Variants in CCDC33 observed in about 807,000 individuals in gnomAD.
The protein encoded by CCDC33 is coiled-coil domain-containing protein 33.
Under a neutral mutation model 91.9 loss-of-function variants are expected in CCDC33, and 94 were observed. The observed-to-expected ratio is 1.02, with a 90% CI of 0.87 to 1.21. The LOEUF (loss-of-function observed/expected upper bound fraction) is 1.21. Among genes scored for constraint, CCDC33 ranks in the 50% most tolerant of loss-of-function variants. The pLI, the probability that CCDC33 is intolerant of heterozygous loss-of-function variation, is 0.00. For missense variants in CCDC33, 940 were observed against 935.5 expected (o/e 1.00, Z -0.06); for synonymous variants, 396 against 374.5 (o/e 1.06, Z -0.66).
At chr15:74,235,278 C>A (rs916189554), upstream of CCDC33, among the ~76,000 whole-genome samples, 21 of 152,134 alleles carry the variant, frequency 1.4e-4, 1 homozygote, top group Admixed American at 1.3e-3. Flanking sequence ...TAATCAAAAG[C>A]AAAGCCTCAG....
chr15:74,230,010 T>G (rs1303383982), intron 2 of CCDC33, among the ~76,000 whole-genome samples: 1 of 152,212 alleles, frequency 6.6e-6, no homozygotes, highest in African/African-American at 2.4e-5. Context: ...TCTTGAATTA[T>G]TCAGGCTGGC....
At chr15:74,285,601 A>G (rs138093435) in intron 10 of CCDC33, among the ~76,000 whole-genome samples, 1 of 151,876 alleles carries the variant, frequency 6.6e-6, no homozygotes, top group Non-Finnish European at 1.5e-5. Context: ...AGCCTCCTAC[A>G]TAGATCACAT....
At position 74,336,014 on chromosome 15, in the gene CCDC33, G is replaced by A; in HGVS notation, c.2229G>A (p.Leu743=). ...CAGACTCTAAGCTCAACAAGCCCTTGAGCCCCCAGAAGGAGACCGCTAACT... is the reference window on the plus strand; with the variant it reads ...CAGACTCTAAGCTCAACAAGCCCTTAAGCCCCCAGAAGGAGACCGCTAACT... ...PSSDSKLNKP[L]SPQKETANSQ... The change falls in exon 19 of 19, where the codon TTG becomes TTA. Residue 743 remains leucine (L), a synonymous_variant. Coordinates refer to ENST00000398814, the MANE Select transcript of CCDC33 (RefSeq NM_025055.5). 1.2e-6 allele frequency: 2 copies of A among 1,613,998 alleles called. No individual in the cohort carries two copies.
At chr15:74,267,663 C>T (rs2076203360) in intron 4 of CCDC33, among the ~76,000 whole-genome samples, 1 of 151,882 alleles carries the variant, frequency 6.6e-6, no homozygotes, top group South Asian at 2.1e-4. Flanking sequence ...CAATGTGAAG[C>T]CAGACTGTCG....
chr15:74,329,817 G>A (rs2142870791), intron 11 of CCDC33, among the ~76,000 whole-genome samples: 1 of 152,322 alleles, frequency 6.6e-6, no homozygotes, highest in African/African-American at 2.4e-5. Context: ...GAAGGAGGAG[G>A]GAAAAGGTGA....
upstream of CCDC33, chr15:74,212,801 A>C (rs2074380842): frequency 6.6e-6 from 1 of 152,186 alleles, no homozygotes; most frequent in Non-Finnish European, 1.5e-5. Context: ...CATAGAAAAG[A>C]GAATCCCTCC....
At chr15:74,334,702 C>T (rs943737501) in intron 17 of CCDC33, among the ~76,000 whole-genome samples, 64 of 148,058 alleles carry the variant, frequency 4.3e-4, no homozygotes, top group African/African-American at 1.6e-3. Flanking sequence ...GGGTCAGGCT[C>T]TGTCTATGAC....
rs187561411 is a variant in CCDC33, at chr15:74,288,415, T to G, written c.1095+6566T>G. On this transcript the variant is annotated intron_variant, in intron 10 of 18. Coordinates refer to ENST00000398814, the MANE Select transcript of CCDC33 (RefSeq NM_025055.5). ...TTCCTGTTAAAGTATCCCCCAAAAC[T>G]GTGGGGCCCAATCAGCATTAGAGGT... Among the ~76,000 whole-genome samples the G allele has an allele frequency of 1.7e-4, 26 of 152,356 alleles. No homozygotes were observed. The East Asian group carries it at 4.6e-3, about 27-fold the overall frequency.
rs1365285718 is a variant in CCDC33, at chr15:74,334,977, A to G, written c.2028A>G (p.Leu676=). Residue 676 remains leucine, a splice_region_variant and synonymous_variant, in exon 18 of 19, where the codon TTA becomes TTG. Coordinates refer to ENST00000398814, the MANE Select transcript of CCDC33 (RefSeq NM_025055.5). The part of the protein sequence containing the change: ...QSRILSLESQ[L]EDSARRWGRE... ...ATTGTCCCTCTCTGTGTCTGCAGTTAGAGGACTCAGCTCGACGCTGGGGAC... is the reference window on the plus strand; with the variant it reads ...ATTGTCCCTCTCTGTGTCTGCAGTTGGAGGACTCAGCTCGACGCTGGGGAC... 6.2e-7 allele frequency: 1 copy of G among 1,612,566 alleles called. No individual in the cohort carries two copies. The highest frequency in any genetic ancestry group is 1.3e-5 in the African/African-American group (1 of 74,988).
chr15:74,310,096 A>G (rs1211955280), intron 11 of CCDC33, among the ~76,000 whole-genome samples: 1 of 151,388 alleles, frequency 6.6e-6, no homozygotes, highest in Non-Finnish European at 1.5e-5. Flanking sequence ...GGCTGCGGGC[A>G]GTGAGCCATG....
intron 9 of CCDC33, 109 bp from the exon 10 acceptor site, chr15:74,281,669 G>C (rs943951232): frequency 1.0e-5 from 10 of 983,804 alleles, no homozygotes; most frequent in African/African-American, 4.8e-5. Flanking sequence ...CCACCCTCCT[G>C]GGTGCAGCCC....
At chr15:74,236,784 CT>C (rs1309113260) in intron 1 of CCDC33, 44 bp downstream of exon 1, 1 of 1,594,724 alleles carries the variant, frequency 6.3e-7, no homozygotes, top group Non-Finnish European at 8.6e-7. Flanking sequence ...GAATCCGTCC[CT>C]CCTTCAAAGT....
intron 1 of CCDC33, among the ~76,000 whole-genome samples, chr15:74,238,237 G>A (rs994406181): frequency 6.6e-6 from 1 of 151,900 alleles, no homozygotes; most frequent in Non-Finnish European, 1.5e-5. Context: ...GTGAAACCCC[G>A]TCTGTACTAA....
At chr15:74,215,465 A>T (rs1327396880), upstream of CCDC33, among the ~76,000 whole-genome samples, 2 of 152,140 alleles carry the variant, frequency 1.3e-5, no homozygotes, top group African/African-American at 4.8e-5. Flanking sequence ...CAACAATGTA[A>T]ATTTATTTAA....
intron 7 of CCDC33, among the ~76,000 whole-genome samples, chr15:74,274,271 G>A (rs755925319): frequency 6.6e-6 from 1 of 152,206 alleles, no homozygotes; most frequent in South Asian, 2.1e-4. Flanking sequence ...GGTTGGGGGC[G>A]GGTGCACGCA....
At chr15:74,247,668 T>C (rs2075580354) in intron 2 of CCDC33, among the ~76,000 whole-genome samples, 1 of 152,138 alleles carries the variant, frequency 6.6e-6, no homozygotes, top group Non-Finnish European at 1.5e-5. Context: ...GAATGGTGGC[T>C]GTCAGGGGCT....
At chr15:74,333,392 C>A in intron 16 of CCDC33, 2 of 1,159,850 alleles carry the variant, frequency 1.7e-6, no homozygotes, top group Non-Finnish European at 2.5e-6. Flanking sequence ...GGGCCCCTTG[C>A]TTTACATAAA....
At chr15:74,307,246 G>C (rs2059908704) in intron 11 of CCDC33, among the ~76,000 whole-genome samples, 1 of 152,144 alleles carries the variant, frequency 6.6e-6, no homozygotes, top group South Asian at 2.1e-4. Context: ...CTGGGAAATG[G>C]GGCTTGTCCC....
At chr15:74,318,666 G>GC (rs1567030034) in intron 11 of CCDC33, 2 of 763,892 alleles carry the variant, frequency 2.6e-6, no homozygotes, top group South Asian at 1.4e-5. Flanking sequence ...TCTGTAAGTC[G>GC]CCCCCTCGCC....
Sources: allele counts gnomAD v4.1 joint callset (sites outside exome capture counted in the v4.1 genomes callset), GRCh38; gene constraint gnomAD v4.1.1; transcripts MANE v1.5; gene names NCBI Gene and HGNC (gene_info 2026-07-23, HGNC 2026-07-21).